ZMAT4: variants seen among roughly 807,000 people sequenced by gnomAD.
ZMAT4 encodes zinc finger matrin-type protein 4.
In ZMAT4, 17 loss-of-function variants were observed where a neutral mutation model predicts 28.7. The observed-to-expected ratio is 0.59, with a 90% CI of 0.41 to 0.89. ZMAT4 has a LOEUF of 0.89. Among genes scored for constraint, ZMAT4 ranks in the 40% least tolerant of loss-of-function variants. ZMAT4 has a pLI of 0.00. For missense variants in ZMAT4, 240 were observed against 283.8 expected, an observed-to-expected ratio of 0.85 and a Z score of 1.11; for synonymous variants, 117 against 109.2, an observed-to-expected ratio of 1.07 and a Z score of -0.44.
intron 5 of ZMAT4, among the ~76,000 whole-genome samples, chr8:40,654,779 C>A (rs1470948899): frequency 6.6e-6 from 1 of 151,590 alleles, no homozygotes; most frequent in African/African-American, 2.4e-5. Flanking sequence ...AAACACTCAA[C>A]AAACTGTAAT....
chr8:40,880,664 C>T (rs79041628), intron 1 of ZMAT4, among the ~76,000 whole-genome samples: 83 of 152,208 alleles, frequency 5.5e-4, no homozygotes, highest in Non-Finnish European at 6.9e-4. Context: ...CGAGGTACAA[C>T]CAAGTAACTT....
chr8:40,594,915 A>G (rs539442463), intron 5 of ZMAT4, among the ~76,000 whole-genome samples: 2 of 152,172 alleles, frequency 1.3e-5, no homozygotes, highest in Admixed American at 6.5e-5. Flanking sequence ...GTTCTTAAAC[A>G]TTTTTTGAAA....
intron 2 of ZMAT4, among the ~76,000 whole-genome samples, chr8:40,810,107 T>TGC (rs1231064015): frequency 2.6e-5 from 4 of 152,006 alleles, no homozygotes; most frequent in Admixed American, 2.6e-4. Context: ...TGCACACACA[T>TGC]ACATATATAT....
At chr8:40,779,019 C>A (rs1336644267) in intron 2 of ZMAT4, among the ~76,000 whole-genome samples, 1 of 152,130 alleles carries the variant, frequency 6.6e-6, no homozygotes, top group Non-Finnish European at 1.5e-5. Context: ...TATGGTTTGG[C>A]TGTGTCACCA....
At chr8:40,647,580 C>T (rs1342967203) in intron 5 of ZMAT4, among the ~76,000 whole-genome samples, 1 of 152,146 alleles carries the variant, frequency 6.6e-6, no homozygotes, top group Non-Finnish European at 1.5e-5. Context: ...CACCACAGCT[C>T]AAGGAGGCCT....
At chr8:40,732,942 C>T (rs1216842794) in intron 3 of ZMAT4, among the ~76,000 whole-genome samples, 1 of 141,962 alleles carries the variant, frequency 7.0e-6, no homozygotes, top group Non-Finnish European at 1.5e-5. Context: ...AACTCCTGGG[C>T]TCAAGCGACC....
intron 2 of ZMAT4, among the ~76,000 whole-genome samples, chr8:40,794,383 A>G (rs1814493867): frequency 6.6e-6 from 1 of 152,158 alleles, no homozygotes; most frequent in African/African-American, 2.4e-5. Context: ...GGTTCTGACT[A>G]CTCATTGAAA....
At chr8:40,735,463 T>C (rs1192255383) in intron 3 of ZMAT4, among the ~76,000 whole-genome samples, 2 of 152,222 alleles carry the variant, frequency 1.3e-5, no homozygotes, top group African/African-American at 4.8e-5. Flanking sequence ...GTCAGTTATC[T>C]GAAAAACATA....
chr8:40,845,428 G>A (rs1230367835), intron 1 of ZMAT4, among the ~76,000 whole-genome samples: 1 of 152,120 alleles, frequency 6.6e-6, no homozygotes, highest in Non-Finnish European at 1.5e-5. Flanking sequence ...TTAAAAACAC[G>A]CTGCCCTCAG....
intron 5 of ZMAT4, among the ~76,000 whole-genome samples, chr8:40,630,001 C>G (rs1391915333): frequency 6.6e-6 from 1 of 152,022 alleles, no homozygotes; most frequent in Non-Finnish European, 1.5e-5. Flanking sequence ...CACAATGGTT[C>G]CTTTTCAATT....
chr8:40,696,730 G>GA (rs999732590), intron 4 of ZMAT4, among the ~76,000 whole-genome samples: 14 of 150,506 alleles, frequency 9.3e-5, no homozygotes, highest in South Asian at 2.1e-4. Flanking sequence ...TGTCATCTCA[G>GA]AAAAAAAAAT....
intron 2 of ZMAT4, among the ~76,000 whole-genome samples, chr8:40,780,433 T>C (rs1341871473): frequency 6.6e-6 from 1 of 152,214 alleles, no homozygotes; most frequent in African/African-American, 2.4e-5. Flanking sequence ...CATTGTAAGT[T>C]TGGGACTGTC....
chr8:40,669,792 G>A (rs1291694465), intron 5 of ZMAT4, among the ~76,000 whole-genome samples: 2 of 152,230 alleles, frequency 1.3e-5, no homozygotes, highest in Non-Finnish European at 2.9e-5. Context: ...TAGGGGGTTG[G>A]TGCCCCTGAT....
chr8:40,687,941 G>T (rs1397076315), intron 4 of ZMAT4, among the ~76,000 whole-genome samples: 1 of 152,102 alleles, frequency 6.6e-6, no homozygotes, highest in African/African-American at 2.4e-5. Context: ...TCAACAAGTG[G>T]CAAGAGAGCA....
rs77287230 is a variant in ZMAT4 at position 40,675,149 on chromosome 8, G to A, written c.350-218C>T. On this transcript the variant is annotated intron_variant, in intron 4 of 6. Coordinates refer to ENST00000297737, the MANE Select transcript of ZMAT4 (RefSeq NM_024645.3). Reference sequence around the variant, plus strand: ...GTATTGAGATCAGAGTTTGCATGTCGTTATACCAAAATCTGATAATTCAAG... The same window carrying A: ...GTATTGAGATCAGAGTTTGCATGTCATTATACCAAAATCTGATAATTCAAG... Among the ~76,000 whole-genome samples the A allele has an allele frequency of 5.4e-3, 825 of 152,262 alleles. 6 individuals are homozygous for A. The highest frequency in any genetic ancestry group is 0.019 in the African/African-American group (785 of 41,536).
At chr8:40,647,647 C>A (rs2118796452) in intron 5 of ZMAT4, among the ~76,000 whole-genome samples, 1 of 152,304 alleles carries the variant, frequency 6.6e-6, no homozygotes, top group East Asian at 1.9e-4. Flanking sequence ...AAAAAGACAG[C>A]AGTAACTTCT....
chr8:40,878,900 G>C (rs1818130702), intron 1 of ZMAT4, among the ~76,000 whole-genome samples: 1 of 152,152 alleles, frequency 6.6e-6, no homozygotes, highest in Admixed American at 6.5e-5. Flanking sequence ...CTGCTTTTTT[G>C]TTTTAAGAAA....
chr8:40,881,908 A>G (rs1377944703), intron 1 of ZMAT4, among the ~76,000 whole-genome samples: 3 of 152,092 alleles, frequency 2.0e-5, no homozygotes, highest in East Asian at 3.9e-4. Flanking sequence ...CTGAGGACAC[A>G]TGCCACCACC....
chr8:40,613,772 G>A (rs1260217065), intron 5 of ZMAT4, among the ~76,000 whole-genome samples: 1 of 152,172 alleles, frequency 6.6e-6, no homozygotes, highest in Non-Finnish European at 1.5e-5. Context: ...TCCTTCCACA[G>A]TTTCTGAACT....
Sources: gnomAD v4.1 joint callset for allele counts (sites outside exome capture counted in the v4.1 genomes callset) on GRCh38, gnomAD v4.1.1 for gene constraint, MANE v1.5 for transcripts, NCBI Gene and HGNC (gene_info 2026-07-23, HGNC 2026-07-21) for gene names.